Variants in RIPK1 observed in about 807,000 individuals in gnomAD.
RIPK1 encodes receptor interacting serine/threonine kinase 1.
Under a neutral mutation model 62.4 loss-of-function variants are expected in RIPK1, and 27 were observed. That is an observed-to-expected ratio of 0.43 (90% CI 0.32 to 0.60). RIPK1 has a LOEUF of 0.60. Ranked by LOEUF, RIPK1 falls within the 20% of genes least tolerant of loss-of-function variation. The pLI is 0.07. For missense variants in RIPK1, 735 were observed against 831.0 expected (o/e 0.88, Z 1.42); for synonymous variants, 287 against 303.2 (o/e 0.95, Z 0.55).
chr6:3,111,822 C>G (rs17548308), intron 10 of RIPK1, among the ~76,000 whole-genome samples: 196 of 152,296 alleles, frequency 1.3e-3, no homozygotes, highest in Non-Finnish European at 2.0e-3. Context: ...CCAGGATCTA[C>G]CCCCTACAGA....
In RIPK1 at chr6:3,113,547, C is replaced by T. The variant is rs1288931829; in HGVS notation, c.*208C>T. On this transcript the variant is annotated 3_prime_UTR_variant, in exon 11 of 11. Transcript: ENST00000259808. This position sits in a 1 kb window ranked among gnomAD's most constrained non-coding sequence, Gnocchi z 5.0. The stretch of plus-strand genomic sequence containing the variant: ...ACTCTGTTGCCAGGCTGGTCTCAAA[C>T]TTCTGGACTCAAGTGATCCTCCCGC... The T allele has an allele frequency of 1.3e-5, 7 of 542,022 alleles. No homozygotes were observed. Among genetic ancestry groups the T allele is most frequent in the Non-Finnish European group, 1.9e-5 (6 of 308,096 alleles). The allele number at this position is 542,022 out of a possible 1,614,324, so 33.6% of individuals were successfully genotyped here. A position where few individuals can be genotyped will look rare whatever the true frequency, so the allele number is the denominator to read the frequency against.
intron 6 of RIPK1, among the ~76,000 whole-genome samples, chr6:3,087,436 TG>T (rs1468314750): frequency 1.3e-5 from 2 of 152,230 alleles, no homozygotes; most frequent in African/African-American, 4.8e-5. Context: ...TTTTTGTTTT[TG>T]TTTGTTTTTT....
intron 9 of RIPK1, 50 bp from the exon 10 acceptor site, chr6:3,110,753 C>A (rs766647224): frequency 7.9e-7 from 1 of 1,263,906 alleles, no homozygotes; most frequent in Non-Finnish European, 1.1e-6. Context: ...GTATTTTTTT[C>A]TCTTGCTTTT....
At chr6:3,067,052 T>TA (rs1758411358), upstream of RIPK1, among the ~76,000 whole-genome samples, 1 of 26,160 alleles carries the variant, frequency 3.8e-5, no homozygotes, top group Non-Finnish European at 7.5e-5. Context: ...TGCTCCAGGA[T>TA]TTTTTTTTTT....
chr6:3,112,962 T>C (rs1761240043), intron 10 of RIPK1, 91 bp from the exon 11 acceptor site: 4 of 1,104,506 alleles, frequency 3.6e-6, no homozygotes, highest in Non-Finnish European at 3.8e-6. Context: ...TCTGGTACTC[T>C]TCATTTCACT....
In RIPK1 at chr6:3,087,700, T is replaced by C. The variant is rs995480583; in HGVS notation, c.839-1881T>C. ...GACTACAGACACCCGCCACCACACC[T>C]GGCTAATTTTTTGTATTTTTAGTAG... On this transcript the variant is annotated intron_variant, in intron 6 of 10. Transcript: ENST00000259808. 8.1e-4 allele frequency among the ~76,000 whole-genome samples: 123 copies of C among 152,004 alleles called. 1 individual carries two copies. Among genetic ancestry groups the C allele is most frequent in the African/African-American group, 1.8e-3 (73 of 41,420 alleles).
At chr6:3,095,941 C>G (rs1444187358) in intron 7 of RIPK1, among the ~76,000 whole-genome samples, 7 of 151,444 alleles carry the variant, frequency 4.6e-5, no homozygotes, top group Non-Finnish European at 8.8e-5. Flanking sequence ...ACCTCCCAGG[C>G]CGAAGCAATC....
chr6:3,072,495 C>T lies in RIPK1; in HGVS notation c.-61+3834C>T, dbSNP rs765034501. 1.4e-4 allele frequency among the ~76,000 whole-genome samples: 21 copies of T among 151,776 alleles called. No individual in the cohort carries two copies. Among genetic ancestry groups the T allele is most frequent in the South Asian group, 4.2e-4 (2 of 4,810 alleles). On this transcript the variant is annotated intron_variant, in intron 1 of 10. Transcript: ENST00000259808. The surrounding 1 kb of genome is among the most constrained non-coding windows in gnomAD (Gnocchi z 5.6). ...ATATAATATTCTGTTAGGAGTGTGCCGTAATTCATTTAACAATATTTTTAT... is the reference window on the plus strand; with the variant it reads ...ATATAATATTCTGTTAGGAGTGTGCTGTAATTCATTTAACAATATTTTTAT...
At chr6:3,097,079 C>T (rs1760355274) in intron 7 of RIPK1, among the ~76,000 whole-genome samples, 1 of 151,894 alleles carries the variant, frequency 6.6e-6, no homozygotes, top group Non-Finnish European at 1.5e-5. Flanking sequence ...CTATGTTGGC[C>T]AGGCTGGTCT....
chr6:3,090,836 C>T (rs1326260733), intron 7 of RIPK1, among the ~76,000 whole-genome samples: 6 of 117,482 alleles, frequency 5.1e-5, no homozygotes, highest in Admixed American at 7.6e-5. Context: ...ACCTACCTGC[C>T]GCACCTAGTA....
chr6:3,073,811 T>C (rs1253287242), intron 1 of RIPK1, among the ~76,000 whole-genome samples: 1 of 152,158 alleles, frequency 6.6e-6, no homozygotes, highest in Non-Finnish European at 1.5e-5. Flanking sequence ...AGGTATTTCT[T>C]TTTTCATTTT....
intron 3 of RIPK1, among the ~76,000 whole-genome samples, 190 bp from the exon 4 acceptor site, chr6:3,080,789 A>G (rs759013626): frequency 6.8e-6 from 1 of 148,092 alleles, no homozygotes; most frequent in Non-Finnish European, 1.5e-5. Flanking sequence ...ATACAACACG[A>G]ATACCCTCTG....
intron 7 of RIPK1, among the ~76,000 whole-genome samples, chr6:3,100,368 G>A (rs1760530616): frequency 6.6e-6 from 1 of 151,982 alleles, no homozygotes; most frequent in Non-Finnish European, 1.5e-5. Flanking sequence ...AGGTTGCAGT[G>A]AGCCAAGATT....
chr6:3,077,176 G>A (rs1019181348), intron 2 of RIPK1, among the ~76,000 whole-genome samples, 189 bp downstream of exon 2: 1 of 151,994 alleles, frequency 6.6e-6, no homozygotes, highest in Non-Finnish European at 1.5e-5. Flanking sequence ...GGGTAGTGAA[G>A]GACTCTCACA....
At chr6:3,106,263 A>G (rs1054751705) in intron 9 of RIPK1, among the ~76,000 whole-genome samples, 1 of 152,156 alleles carries the variant, frequency 6.6e-6, no homozygotes, top group African/African-American at 2.4e-5. Context: ...AGATGCCCGC[A>G]AGCATCGGGT....
In RIPK1 at chr6:3,114,257, C is replaced by T. The variant is rs1317544205; in HGVS notation, c.*918C>T. 1 of 152,218 alleles carries T rather than the reference C, an allele frequency of 6.6e-6. No homozygotes were observed. The highest frequency in any genetic ancestry group is 1.5e-5 in the Non-Finnish European group (1 of 68,060). 9.4% of individuals were successfully genotyped at this position (152,218 alleles called of 1,614,324 possible). ...GGGAACAGGAAATGCTGATCTCTAC[C>T]CCTGGGTGAGACCAGAACCTCAGGG... On this transcript the variant is annotated 3_prime_UTR_variant, in exon 11 of 11. Coordinates refer to ENST00000259808, the MANE Select transcript of RIPK1 (RefSeq NM_001354930.2). This position sits in a 1 kb window ranked among gnomAD's most constrained non-coding sequence, Gnocchi z 5.0.
intron 7 of RIPK1, among the ~76,000 whole-genome samples, chr6:3,102,368 A>G (rs1458471326): frequency 6.6e-6 from 1 of 152,200 alleles, no homozygotes; most frequent in Non-Finnish European, 1.5e-5. Flanking sequence ...TAAGGTGCAT[A>G]TGAAACACAA....
At chr6:3,084,589 T>TC (rs965197502) in intron 5 of RIPK1, among the ~76,000 whole-genome samples, 8 of 99,082 alleles carry the variant, frequency 8.1e-5, no homozygotes, top group African/African-American at 2.9e-4. Flanking sequence ...CCCTTGTACA[T>TC]CCTTTTTTTT....
upstream of RIPK1, chr6:3,067,915 G>C (rs1003645846): frequency 6.6e-6 from 1 of 152,018 alleles, no homozygotes; most frequent in African/African-American, 2.4e-5. Context: ...GTTGATTTTT[G>C]TATTTTTTAG....
Sources: allele counts gnomAD v4.1 joint callset (sites outside exome capture counted in the v4.1 genomes callset), GRCh38; gene constraint gnomAD v4.1.1; non-coding constraint Gnocchi (gnomAD v3.1); transcripts MANE v1.5; gene names NCBI Gene and HGNC (gene_info 2026-07-23, HGNC 2026-07-21).